Variants in ADIPOR1 observed in about 807,000 individuals in gnomAD.
ADIPOR1 encodes the protein adiponectin receptor 1.
In ADIPOR1, 15 loss-of-function variants were observed where a neutral mutation model predicts 37.5. The ratio of observed to expected loss-of-function variants is 0.40; its 90% CI spans 0.27 to 0.62. The LOEUF (loss-of-function observed/expected upper bound fraction) is 0.62, where lower values mean the gene tolerates loss of function less well. Among genes scored for constraint, ADIPOR1 ranks in the 20% least tolerant of loss-of-function variants. The probability of loss-of-function intolerance (pLI) is 0.42; values close to 1 mark genes in which losing one functional copy is unlikely to be tolerated. For missense variants in ADIPOR1, 286 were observed against 478.0 expected, an observed-to-expected ratio of 0.60 and a Z score of 3.75; for synonymous variants, 173 against 173.2, an observed-to-expected ratio of 1.00 and a Z score of 0.01.
In ADIPOR1 at chr1:202,941,408, T is replaced by C. The variant is rs1192567907; in HGVS notation, c.*165A>G. 1.3e-6 allele frequency: 1 copy of C among 768,486 alleles called. No homozygotes were observed. The highest frequency in any genetic ancestry group is 1.9e-6 in the Non-Finnish European group (1 of 522,132). 47.6% of individuals were successfully genotyped at this position (768,486 alleles called of 1,614,324 possible). On this transcript the variant is annotated 3_prime_UTR_variant, in exon 8 of 8. Transcript: ENST00000340990. The stretch of plus-strand genomic sequence containing the variant: ...GCTAGGAGAATGGAAATGGAAAGTT[T>C]ATTGCCCAGTGGGTGTGAAAGTGGG...
At chr1:202,945,291 T>C in intron 4 of ADIPOR1, 122 bp from the exon 5 acceptor site, 1 of 977,702 alleles carries the variant, frequency 1.0e-6, no homozygotes, top group Non-Finnish European at 1.5e-6. Flanking sequence ...AAATACAAAT[T>C]AAAAGCACAA....
chr1:202,948,157 A>G lies in ADIPOR1; in HGVS notation c.258+147T>C, dbSNP rs980749087. 1.7e-4 allele frequency: 99 copies of G among 595,952 alleles called. No homozygotes were observed. In the East Asian group the frequency reaches 3.1e-3, roughly 18 times the overall value. The allele number at this position is 595,952 out of a possible 1,614,324, so 36.9% of individuals were successfully genotyped here. Reference sequence around the variant, plus strand: ...CAGTAAAAATTTAGCCAGTCTTCACATTGATTTACCTCATCTTAACCAAAA... The same window carrying G: ...CAGTAAAAATTTAGCCAGTCTTCACGTTGATTTACCTCATCTTAACCAAAA... On this transcript the variant is annotated intron_variant, in intron 3 of 7. Transcript: ENST00000340990.
intron 6 of ADIPOR1, among the ~76,000 whole-genome samples, chr1:202,942,906 C>T (rs1288519759): frequency 1.4e-5 from 2 of 141,842 alleles, no homozygotes; most frequent in Non-Finnish European, 3.1e-5. Flanking sequence ...TGCTTTGTTG[C>T]CCAGGCTGGA....
At chr1:202,942,767 T>C (rs1654147548) in intron 6 of ADIPOR1, among the ~76,000 whole-genome samples, 1 of 152,162 alleles carries the variant, frequency 6.6e-6, no homozygotes, top group African/African-American at 2.4e-5. Context: ...AGGGACCACC[T>C]CTCCATCTTT....
chr1:202,956,992 C>G (rs1654811417), intron 1 of ADIPOR1, among the ~76,000 whole-genome samples: 1 of 152,194 alleles, frequency 6.6e-6, no homozygotes, highest in Non-Finnish European at 1.5e-5. Flanking sequence ...TGGGCCTTCA[C>G]AGGTAACATC....
chr1:202,942,854 C>A (rs1323242801), intron 6 of ADIPOR1, among the ~76,000 whole-genome samples: 2 of 143,534 alleles, frequency 1.4e-5, no homozygotes, highest in African/African-American at 2.6e-5. Flanking sequence ...TTATTTTTTT[C>A]TTTTCTTTCT....
chr1:202,952,791 C>T (rs980698671), intron 1 of ADIPOR1, among the ~76,000 whole-genome samples: 2 of 152,226 alleles, frequency 1.3e-5, no homozygotes, highest in Non-Finnish European at 2.9e-5. Flanking sequence ...TAAATCCCAT[C>T]TCTATCCATA....
Position 202,941,666 on chromosome 1 carries a change from C to T in ADIPOR1, c.1035G>A (p.Val345=). 6.2e-7 allele frequency: 1 copy of T among 1,614,086 alleles called. No homozygotes were observed. Among genetic ancestry groups the T allele is most frequent in the Non-Finnish European group, 8.5e-7 (1 of 1,179,996 alleles). Residue 345 remains valine (V), a synonymous_variant, in exon 8 of 8, where the codon GTG becomes GTA. Transcript: ENST00000340990. ...QSHQIFHVLV[V]AAAFVHFYGV... Reference sequence around the variant, plus strand: ...CATAGAAGTGGACAAAGGCTGCTGCCACCACCAGGACATGGAAAATCTGAT... The same window carrying T: ...CATAGAAGTGGACAAAGGCTGCTGCTACCACCAGGACATGGAAAATCTGAT...
chr1:202,951,000 G>A lies in ADIPOR1; in HGVS notation c.71C>T (p.Thr24Met), dbSNP rs369139073. The A allele has an allele frequency of 1.4e-5, 23 of 1,614,128 alleles. No homozygotes were observed. The highest frequency in any genetic ancestry group is 8.0e-5 in the African/African-American group (6 of 75,024). ...GAPASNREAD[T>M]VELAELGPLL... ...GGGTCCCAGTTCAGCCAGTTCCACC[G>A]TGTCAGCTTCCCTGTTACTGGCAGG... Residue 24 changes from threonine (T) to methionine (M), a missense_variant, in exon 2 of 8, where the codon ACG becomes ATG. Transcript: ENST00000340990.
intron 1 of ADIPOR1, among the ~76,000 whole-genome samples, chr1:202,955,496 T>A (rs1654747775): frequency 6.7e-6 from 1 of 148,972 alleles, no homozygotes; most frequent in South Asian, 2.2e-4. Context: ...GCTGAAGAGG[T>A]GTTTTTGAGC....
chr1:202,947,638 C>T (rs1157233095), intron 3 of ADIPOR1, among the ~76,000 whole-genome samples: 1 of 152,132 alleles, frequency 6.6e-6, no homozygotes, highest in African/African-American at 2.4e-5. Context: ...CAGATCCCTC[C>T]TTTGCCCCTC....
intron 5 of ADIPOR1, chr1:202,944,454 C>T (rs955158861): frequency 4.5e-5 from 7 of 153,914 alleles, no homozygotes; most frequent in East Asian, 3.8e-4. Flanking sequence ...ACTGTCGCCA[C>T]CAAAACCAAC....
chr1:202,952,538 T>C (rs1376722354), intron 1 of ADIPOR1, among the ~76,000 whole-genome samples: 3 of 152,230 alleles, frequency 2.0e-5, no homozygotes, highest in Non-Finnish European at 4.4e-5. Flanking sequence ...TCTGACTCCC[T>C]AACTCTCTCT....
At chr1:202,951,750 C>G (rs2102492034) in intron 1 of ADIPOR1, among the ~76,000 whole-genome samples, 1 of 152,270 alleles carries the variant, frequency 6.6e-6, no homozygotes, top group East Asian at 1.9e-4. Context: ...TCTACTAATT[C>G]TATTACAGGA....
At chr1:202,950,898 A>C (rs1654550350) in intron 2 of ADIPOR1, 32 bp downstream of exon 2, 20 of 1,613,620 alleles carry the variant, frequency 1.2e-5, no homozygotes, top group Non-Finnish European at 1.7e-5. Context: ...GAGAAACTGA[A>C]CAAGGGGATG....
chr1:202,945,556 C>A (rs952951337), intron 4 of ADIPOR1, among the ~76,000 whole-genome samples: 1 of 152,208 alleles, frequency 6.6e-6, no homozygotes, highest in African/African-American at 2.4e-5. Flanking sequence ...AAGACACATG[C>A]ACATGTATGT....
chr1:202,942,871 C>CT (rs10682231), intron 6 of ADIPOR1, among the ~76,000 whole-genome samples: 19,298 of 116,622 alleles, frequency 0.17, 2,531 homozygotes, highest in East Asian at 0.46. Flanking sequence ...TTCTTTCTTT[C>CT]TTTTTTTTTT....
At chr1:202,955,681 T>C (rs963133914) in intron 1 of ADIPOR1, among the ~76,000 whole-genome samples, 4 of 152,172 alleles carry the variant, frequency 2.6e-5, no homozygotes, top group African/African-American at 9.7e-5. Context: ...CATAGCTTAC[T>C]GCAGCCTATA....
At chr1:202,952,576 C>G (rs1654620613) in intron 1 of ADIPOR1, among the ~76,000 whole-genome samples, 1 of 152,182 alleles carries the variant, frequency 6.6e-6, no homozygotes, top group Non-Finnish European at 1.5e-5. Context: ...CCTCCTGGAG[C>G]TGGGACACCC....
Sources: gnomAD v4.1 joint callset for allele counts (sites outside exome capture counted in the v4.1 genomes callset) on GRCh38, gnomAD v4.1.1 for gene constraint, MANE v1.5 for transcripts, NCBI Gene and HGNC (gene_info 2026-07-23, HGNC 2026-07-21) for gene names.